PXYLP1: variants seen among roughly 807,000 people sequenced by gnomAD.
PXYLP1 encodes 2-phosphoxylose phosphatase 1.
A neutral mutation model predicts 37.9 loss-of-function variants in PXYLP1; 17 were observed. That is an observed-to-expected ratio of 0.45 (90% CI 0.31 to 0.67). PXYLP1 has a LOEUF of 0.67. Among genes scored for constraint, PXYLP1 ranks in the 30% least tolerant of loss-of-function variants. PXYLP1 has a pLI of 0.07. For missense variants in PXYLP1, 511 were observed against 612.0 expected (o/e 0.84, Z 1.74); for synonymous variants, 221 against 232.2 (o/e 0.95, Z 0.44).
intron 1 of PXYLP1, chr3:141,234,946 G>A (rs1490018095): frequency 6.6e-6 from 1 of 152,264 alleles, no homozygotes; most frequent in Non-Finnish European, 1.5e-5. Context: ...TTTAATTAAT[G>A]CCTGCAGTCT....
At chr3:141,287,138 G>A (rs1446369971) in intron 4 of PXYLP1, among the ~76,000 whole-genome samples, 176 bp from the exon 5 acceptor site, 1 of 152,198 alleles carries the variant, frequency 6.6e-6, no homozygotes, top group East Asian at 1.9e-4. Flanking sequence ...GATTTCATGT[G>A]TCAGTGTCAG....
chr3:141,260,729 G>A (rs1941375832), intron 2 of PXYLP1, among the ~76,000 whole-genome samples: 1 of 152,232 alleles, frequency 6.6e-6, no homozygotes, highest in South Asian at 2.1e-4. Context: ...GACGAGACAG[G>A]AGGACTCTGA....
chr3:141,250,599 G>T (rs938663367), intron 1 of PXYLP1, among the ~76,000 whole-genome samples: 4 of 152,224 alleles, frequency 2.6e-5, no homozygotes, highest in African/African-American at 9.6e-5. Flanking sequence ...CTGGGGGAGG[G>T]ATTTCTGGAG....
intron 1 of PXYLP1, among the ~76,000 whole-genome samples, chr3:141,244,375 T>C (rs567269187): frequency 2.0e-5 from 3 of 150,420 alleles, no homozygotes; most frequent in African/African-American, 7.4e-5. Context: ...CTTTTTTTTT[T>C]GTTATTTGCA....
At chr3:141,244,702 G>A (rs1411390918) in intron 1 of PXYLP1, among the ~76,000 whole-genome samples, 1 of 150,730 alleles carries the variant, frequency 6.6e-6, no homozygotes, top group African/African-American at 2.4e-5. Flanking sequence ...AGGCTGAATC[G>A]TGTTCCATTG....
At chr3:141,271,749 A>G (rs1941669499) in intron 2 of PXYLP1, among the ~76,000 whole-genome samples, 3 of 152,206 alleles carry the variant, frequency 2.0e-5, no homozygotes, top group African/African-American at 7.2e-5. Flanking sequence ...TGTCTTCCAC[A>G]TGGGACAGCC....
chr3:141,260,315 G>A, intron 2 of PXYLP1, 61 bp downstream of exon 2: 3 of 1,554,118 alleles, frequency 1.9e-6, no homozygotes, highest in South Asian at 2.3e-5. Context: ...AAACAAGGAG[G>A]CCCCAAAGGC....
chr3:141,274,043 G>A (rs1237566157), intron 2 of PXYLP1: 36 of 986,796 alleles, frequency 3.6e-5, no homozygotes, highest in Non-Finnish European at 4.2e-5. Context: ...CTGAGCTGCT[G>A]TCATCTGCCT....
At chr3:141,264,114 T>C (rs1482885827) in intron 2 of PXYLP1, among the ~76,000 whole-genome samples, 2 of 151,404 alleles carry the variant, frequency 1.3e-5, no homozygotes, top group African/African-American at 2.5e-5. Flanking sequence ...AGGGCCCCGA[T>C]TGGCCAGAGC....
At chr3:141,248,518 C>CACACACACACGTATATATAT (rs1167563878) in intron 1 of PXYLP1, among the ~76,000 whole-genome samples, 1 of 147,492 alleles carries the variant, frequency 6.8e-6, no homozygotes, top group South Asian at 2.1e-4. Context: ...TATATACACA[C>CACACACACACGTATATATAT]ACACACACGT....
intron 2 of PXYLP1, among the ~76,000 whole-genome samples, chr3:141,264,894 T>C (rs997144942): frequency 6.6e-6 from 1 of 152,208 alleles, no homozygotes; most frequent in Admixed American, 6.5e-5. Context: ...ACCTGGCACA[T>C]AGTAATCACT....
At chr3:141,280,169 G>A (rs1941913680) in intron 4 of PXYLP1, among the ~76,000 whole-genome samples, 1 of 152,222 alleles carries the variant, frequency 6.6e-6, no homozygotes, top group African/African-American at 2.4e-5. Flanking sequence ...TGTGTCTGGA[G>A]GCACATAACA....
Position 141,274,310 on chromosome 3 carries a change from C to T in PXYLP1, c.80-4032C>T, listed in dbSNP as rs180803632. 9 of 1,369,832 alleles carry T rather than the reference C, an allele frequency of 6.6e-6. No homozygotes were observed. In the East Asian group the frequency reaches 8.3e-5, roughly 13 times the overall value. The allele number at this position is 1,369,832 out of a possible 1,614,324, so 84.9% of individuals were successfully genotyped here. On this transcript the variant is annotated intron_variant, in intron 2 of 5. Coordinates refer to ENST00000286353, the MANE Select transcript of PXYLP1 (RefSeq NM_001037172.3). ...CCTTCCCAGCCTTCCTCCTGGAGCCCGGCCTGCACATCGACCCTGGTGAGG... is the reference window on the plus strand; with the variant it reads ...CCTTCCCAGCCTTCCTCCTGGAGCCTGGCCTGCACATCGACCCTGGTGAGG...
chr3:141,270,039 G>A lies in PXYLP1; in HGVS notation c.80-8303G>A, dbSNP rs146646091. 4.6e-4 allele frequency among the ~76,000 whole-genome samples: 70 copies of A among 152,364 alleles called. No homozygotes were observed. The East Asian group carries it at 8.1e-3, about 18-fold the overall frequency. ...GGGTCAAGGAGGGAGGAGATAGAGCGTGCAAATAGCCCAGGGAGCAGAGCT... is the reference window on the plus strand; with the variant it reads ...GGGTCAAGGAGGGAGGAGATAGAGCATGCAAATAGCCCAGGGAGCAGAGCT... On this transcript the variant is annotated intron_variant, in intron 2 of 5. Coordinates refer to ENST00000286353, the MANE Select transcript of PXYLP1 (RefSeq NM_001037172.3).
chr3:141,253,637 C>T (rs1256689386), intron 1 of PXYLP1, among the ~76,000 whole-genome samples: 3 of 151,622 alleles, frequency 2.0e-5, no homozygotes, highest in East Asian at 1.9e-4. Flanking sequence ...TTACTCCCTA[C>T]TTCCCTCGCC....
At chr3:141,273,297 C>T (rs552012762) in intron 2 of PXYLP1, 33 of 985,402 alleles carry the variant, frequency 3.3e-5, no homozygotes, top group African/African-American at 1.7e-4. Context: ...TGAGCAGGTC[C>T]GGGCTTACAG....
intron 3 of PXYLP1, 57 bp downstream of exon 3, chr3:141,278,557 A>T: frequency 6.3e-7 from 1 of 1,593,900 alleles, no homozygotes; most frequent in Non-Finnish European, 8.6e-7. Context: ...TTATTCCAGC[A>T]GCATTGCACA....
At chr3:141,264,130 CGAAGGAAATGCT>C (rs1047774415) in intron 2 of PXYLP1, among the ~76,000 whole-genome samples, 18 of 151,400 alleles carry the variant, frequency 1.2e-4, no homozygotes, top group African/African-American at 4.4e-4. Flanking sequence ...AGAGCAGAGT[CGAAGGAAATGCT>C]GAAGGTGAAC....
chr3:141,292,133 C>T lies in PXYLP1; in HGVS notation c.506-135C>T, dbSNP rs1475858387. ...GTTGTGAACTCGAGCTTGTAACTTC[C>T]ACACCATGGGGAAACAGGCTGGATG... is the stretch of plus-strand genomic sequence containing the variant. On this transcript the variant is annotated intron_variant, in intron 5 of 5. Coordinates refer to ENST00000286353, the MANE Select transcript of PXYLP1 (RefSeq NM_001037172.3). This position sits in a 1 kb window ranked among gnomAD's most constrained non-coding sequence, Gnocchi z 4.3. 4 of 832,130 alleles carry T rather than the reference C, an allele frequency of 4.8e-6. No homozygotes were observed. Among genetic ancestry groups the T allele is most frequent in the East Asian group, 5.0e-5 (2 of 39,690 alleles). 51.5% of individuals were successfully genotyped at this position (832,130 alleles called of 1,614,324 possible).
Sources: allele counts gnomAD v4.1 joint callset (sites outside exome capture counted in the v4.1 genomes callset), GRCh38; gene constraint gnomAD v4.1.1; non-coding constraint Gnocchi (gnomAD v3.1); transcripts MANE v1.5; gene names NCBI Gene and HGNC (gene_info 2026-07-23, HGNC 2026-07-21).